Variants in ARHGEF7 observed in about 807,000 individuals in gnomAD.
The protein encoded by ARHGEF7 is Rho guanine nucleotide exchange factor 7.
In ARHGEF7, 33 loss-of-function variants were observed where a neutral mutation model predicts 109.8. The observed-to-expected ratio is 0.30, with a 90% CI of 0.23 to 0.40. The LOEUF (loss-of-function observed/expected upper bound fraction) is 0.40, where lower values mean the gene tolerates loss of function less well. ARHGEF7 is among the 10% of genes least tolerant of loss of function. The probability of loss-of-function intolerance (pLI) is 1.00; values close to 1 mark genes in which losing one functional copy is unlikely to be tolerated. For missense variants in ARHGEF7, 938 were observed against 1,098.5 expected, an observed-to-expected ratio of 0.85 and a Z score of 2.07; for synonymous variants, 458 against 424.6, an observed-to-expected ratio of 1.08 and a Z score of -0.97.
intron 1 of ARHGEF7, chr13:111,116,698 C>A (rs1480768314): frequency 5.3e-5 from 8 of 151,856 alleles, no homozygotes; most frequent in Non-Finnish European, 1.5e-5. Context: ...TATTGGCCCC[C>A]ATACAGGATG....
chr13:111,280,839 C>A, intron 15 of ARHGEF7, 162 bp downstream of exon 15: 1 of 791,326 alleles, frequency 1.3e-6, no homozygotes, highest in African/African-American at 1.8e-5. Context: ...CCTCTTCGTG[C>A]AGTAGTGAAT....
chr13:111,271,465 C>T (rs1190913529), intron 9 of ARHGEF7, among the ~76,000 whole-genome samples: 1 of 152,198 alleles, frequency 6.6e-6, no homozygotes, highest in African/African-American at 2.4e-5. Flanking sequence ...GAGCAGGACA[C>T]CTTGCTGTGC....
intron 5 of ARHGEF7, among the ~76,000 whole-genome samples, chr13:111,218,613 A>G (rs1479309501): frequency 1.3e-5 from 2 of 152,150 alleles, no homozygotes; most frequent in Non-Finnish European, 2.9e-5. Flanking sequence ...TACAGAGAAT[A>G]GCTGATACAC....
At chr13:111,216,934 A>C (rs1355118566) in intron 4 of ARHGEF7, among the ~76,000 whole-genome samples, 1 of 152,216 alleles carries the variant, frequency 6.6e-6, no homozygotes, top group Non-Finnish European at 1.5e-5. Context: ...AAATATGCAC[A>C]GTTTCTGAGA....
rs545961718 is a variant in ARHGEF7 at position 111,145,230 on chromosome 13, A to G, written c.166-8675A>G. ...TAATCTGTCCTCTAGATTGTTTCCA[A>G]TCGTTTGCCATTACATTGTGTTCTA... On this transcript the variant is annotated intron_variant, in intron 1 of 21. Transcript: ENST00000646102. This position sits in a 1 kb window ranked among gnomAD's most constrained non-coding sequence, Gnocchi z 4.3. Among the ~76,000 whole-genome samples, 1 of 152,170 alleles carries G rather than the reference A, an allele frequency of 6.6e-6. No homozygotes were observed. Among genetic ancestry groups the G allele is most frequent in the South Asian group, 2.1e-4 (1 of 4,818 alleles).
intron 6 of ARHGEF7, among the ~76,000 whole-genome samples, chr13:111,233,932 T>G (rs1190650298): frequency 6.6e-6 from 1 of 152,220 alleles, no homozygotes; most frequent in African/African-American, 2.4e-5. Flanking sequence ...GTACCTAAGC[T>G]TATGTAGCAA....
At chr13:111,220,736 A>G (rs1435843994) in intron 5 of ARHGEF7, among the ~76,000 whole-genome samples, 1 of 152,024 alleles carries the variant, frequency 6.6e-6, no homozygotes, top group East Asian at 1.9e-4. Flanking sequence ...GTTTAGAAAC[A>G]TGGCTCTCAT....
In ARHGEF7 at chr13:111,280,643, C is replaced by A; in HGVS notation, c.1691C>A (p.Pro564His). The stretch of plus-strand genomic sequence containing the variant: ...ACGAAGGTCACGTCTGTGGGAAACC[C>A]CACCATAAAGCCTCATTCAGTGCCA... ...KQTKVTSVGN[P>H]TIKPHSVPSH... The change falls in exon 15 of 22, where the codon CCC (proline) becomes CAC (histidine). Residue 564 changes from proline (P) to histidine (H), a missense_variant. Coordinates refer to ENST00000646102, the MANE Select transcript of ARHGEF7 (RefSeq NM_001354046.2). The A allele has an allele frequency of 1.9e-6, 3 of 1,609,076 alleles. No individual in the cohort carries two copies. Among genetic ancestry groups the A allele is most frequent in the Non-Finnish European group, 1.7e-6 (2 of 1,178,022 alleles).
Position 111,249,207 on chromosome 13 carries a change from C to G in ARHGEF7, c.950+4913C>G, listed in dbSNP as rs11620404. Among the ~76,000 whole-genome samples, 1,353 of 152,176 alleles carry G rather than the reference C, an allele frequency of 8.9e-3. 12 individuals are homozygous for G. Among genetic ancestry groups the G allele is most frequent in the Non-Finnish European group, 0.015 (1,007 of 68,002 alleles). On this transcript the variant is annotated intron_variant, in intron 8 of 21. Transcript: ENST00000646102. ...TTGGAGTTTTAGCTGTTCCACATAA[C>G]AAAGTTGGCTGCCATTAGCTTAATA...
intron 8 of ARHGEF7, among the ~76,000 whole-genome samples, chr13:111,257,832 C>CA (rs1327030785): frequency 1.3e-5 from 2 of 152,324 alleles, no homozygotes; most frequent in Middle Eastern, 6.8e-3. Context: ...GCTGCCCTGT[C>CA]ACAGTGGAAA....
rs189725613 is a variant in ARHGEF7 at position 111,273,335 on chromosome 13, C to T, written c.1074-479C>T. 5.3e-5 allele frequency among the ~76,000 whole-genome samples: 8 copies of T among 152,354 alleles called. No homozygotes were observed. Among genetic ancestry groups the T allele is most frequent in the Admixed American group, 5.2e-4 (8 of 15,310 alleles). ...CCATTGCCTACTCCCAGGCTGAGTG[C>T]TGGCAGCACATAGGTGGGGCCTGCT... On this transcript the variant is annotated intron_variant, in intron 9 of 21. Transcript: ENST00000646102. The surrounding 1 kb of genome is among the most constrained non-coding windows in gnomAD (Gnocchi z 4.5).
intron 2 of ARHGEF7, among the ~76,000 whole-genome samples, chr13:111,171,886 C>T (rs1457600106): frequency 6.6e-6 from 1 of 152,158 alleles, no homozygotes; most frequent in Non-Finnish European, 1.5e-5. Flanking sequence ...GAGACCTCTG[C>T]CCCCGTGCCA....
chr13:111,168,438 G>C (rs1307789184), intron 2 of ARHGEF7, among the ~76,000 whole-genome samples: 1 of 152,154 alleles, frequency 6.6e-6, no homozygotes, highest in Non-Finnish European at 1.5e-5. Context: ...ATAAACACGA[G>C]TGGAGAGTTG....
At chr13:111,127,385 G>A (rs9559993) in intron 1 of ARHGEF7, among the ~76,000 whole-genome samples, 43,517 of 151,964 alleles carry the variant, frequency 0.29, 7,920 homozygotes, top group East Asian at 0.64. Flanking sequence ...TGGGCCAGGT[G>A]CAGTGGCTCA....
At chr13:111,241,071 A>G (rs1046948474) in intron 6 of ARHGEF7, 4 of 1,404,628 alleles carry the variant, frequency 2.8e-6, no homozygotes, top group Non-Finnish European at 2.8e-6. Context: ...TGAGGCGGGC[A>G]GCATAGGGAT....
intron 6 of ARHGEF7, among the ~76,000 whole-genome samples, chr13:111,238,418 G>A (rs2087146524): frequency 6.6e-6 from 1 of 152,162 alleles, no homozygotes; most frequent in Admixed American, 6.5e-5. Flanking sequence ...GACCTTAGAG[G>A]TTTTTGTGTG....
chr13:111,115,762 C>T (rs1307464081), intron 1 of ARHGEF7, 71 bp downstream of exon 1: 2 of 943,004 alleles, frequency 2.1e-6, no homozygotes, highest in Admixed American at 1.1e-4. Flanking sequence ...GCGCGCGGAG[C>T]ACCTGAGGCC....
intron 2 of ARHGEF7, among the ~76,000 whole-genome samples, chr13:111,180,829 G>T (rs1305062467): frequency 6.6e-6 from 1 of 152,168 alleles, no homozygotes; most frequent in African/African-American, 2.4e-5. Context: ...ATAATGTTCT[G>T]CATTTTGAAT....
At chr13:111,286,077 GCCTTTCT>G in intron 16 of ARHGEF7, 63 bp from the exon 17 acceptor site, 2 of 1,256,326 alleles carry the variant, frequency 1.6e-6, no homozygotes, top group Non-Finnish European at 2.3e-6. Flanking sequence ...CTTTACAGCA[GCCTTTCT>G]GATATGCCAG....
Sources: gnomAD v4.1 joint callset for allele counts (sites outside exome capture counted in the v4.1 genomes callset) on GRCh38, gnomAD v4.1.1 for gene constraint, Gnocchi (gnomAD v3.1) non-coding constraint, MANE v1.5 for transcripts, NCBI Gene and HGNC (gene_info 2026-07-23, HGNC 2026-07-21) for gene names.